The following ACAP2 variants were observed in gnomAD, a reference collection of about 807,000 sequenced individuals.
ACAP2 encodes arf-GAP with coiled-coil, ANK repeat and PH domain-containing protein 2.
ACAP2 carries 39 observed loss-of-function variants against 115.8 expected under a neutral mutation model. That is an observed-to-expected ratio of 0.34 (90% confidence interval 0.26 to 0.44). ACAP2 has a LOEUF of 0.44. Among genes scored for constraint, ACAP2 ranks in the 20% least tolerant of loss-of-function variants. ACAP2 has a pLI of 1.00. For missense variants in ACAP2, 662 were observed against 927.6 expected (o/e 0.71, Z 3.72); for synonymous variants, 289 against 315.8 (o/e 0.92, Z 0.90).
At chr3:195,396,812 A>AAAAAAAAAAAG (rs1711827152) in intron 1 of ACAP2, among the ~76,000 whole-genome samples, 2 of 149,784 alleles carry the variant, frequency 1.3e-5, no homozygotes, top group East Asian at 1.9e-4. Context: ...AAAAAAAAAA[A>AAAAAAAAAAAG]AAGAAGAAGT....
chr3:195,411,526 G>A (rs1225192256), intron 1 of ACAP2, among the ~76,000 whole-genome samples: 1 of 152,110 alleles, frequency 6.6e-6, no homozygotes, highest in African/African-American at 2.4e-5. Flanking sequence ...TATGTTATGT[G>A]TATTTAAACA....
chr3:195,365,196 G>C (rs1732635215), intron 4 of ACAP2, among the ~76,000 whole-genome samples: 1 of 151,998 alleles, frequency 6.6e-6, no homozygotes, highest in Admixed American at 6.6e-5. Context: ...AGAATGAATA[G>C]AACCTAGTAT....
At chr3:195,436,127 ATATATATT>A (rs1715523191) in intron 1 of ACAP2, among the ~76,000 whole-genome samples, 1 of 131,752 alleles carries the variant, frequency 7.6e-6, no homozygotes. Flanking sequence ...ATGTATATAT[ATATATATT>A]TTTTTTTTTT....
intron 18 of ACAP2, among the ~76,000 whole-genome samples, chr3:195,293,412 G>A (rs1010006482): frequency 1.3e-5 from 2 of 152,174 alleles, no homozygotes; most frequent in African/African-American, 2.4e-5. Context: ...TAATGGGGAG[G>A]GAGTTGCTGA....
intron 13 of ACAP2, among the ~76,000 whole-genome samples, chr3:195,303,197 T>C (rs776353749): frequency 6.6e-6 from 1 of 151,662 alleles, no homozygotes; most frequent in Non-Finnish European, 1.5e-5. Flanking sequence ...GACTCCAACC[T>C]GGGTGACAGA....
chr3:195,420,579 G>A lies in ACAP2; in HGVS notation c.53+22216C>T, dbSNP rs556453936. Among the ~76,000 whole-genome samples, 106 of 151,934 alleles carry A rather than the reference G, an allele frequency of 7.0e-4. 2 individuals carry two copies. Among genetic ancestry groups the A allele is most frequent in the Admixed American group, 7.2e-4 (11 of 15,232 alleles). ...TAGATGGTCTCGATCTCCTGACCTC[G>A]TGATTCACCCGCCTCGGCCTCCCAA... On this transcript the variant is annotated intron_variant, in intron 1 of 22. Transcript: ENST00000326793.
intron 1 of ACAP2, among the ~76,000 whole-genome samples, chr3:195,405,272 C>T (rs1712658750): frequency 6.6e-6 from 1 of 152,164 alleles, no homozygotes; most frequent in Admixed American, 6.6e-5. Flanking sequence ...GCTATGGTTA[C>T]TGTTACCCTT....
chr3:195,428,076 A>G (rs1021378994), intron 1 of ACAP2, among the ~76,000 whole-genome samples: 1 of 151,946 alleles, frequency 6.6e-6, no homozygotes, highest in Non-Finnish European at 1.5e-5. Flanking sequence ...ATAATCCAGA[A>G]AAGCAGGGTA....
At position 195,317,808 on chromosome 3, in the gene ACAP2, T is replaced by C. The variant is rs1729194043; in HGVS notation, c.857+2893A>G. Among the ~76,000 whole-genome samples the C allele has an allele frequency of 2.0e-5, 3 of 152,204 alleles. 1 individual carries two copies. The South Asian group carries it at 6.2e-4, about 31-fold the overall frequency. On this transcript the variant is annotated intron_variant, in intron 10 of 22. Transcript: ENST00000326793. ...CCTATTTCCTAAAACTCCTGTTTTA[T>C]TGAAGTTATTGCAAAGATCAAAAGA... is the stretch of plus-strand genomic sequence containing the variant.
intron 1 of ACAP2, among the ~76,000 whole-genome samples, chr3:195,435,172 T>C (rs1262440002): frequency 6.6e-6 from 1 of 151,426 alleles, no homozygotes; most frequent in Non-Finnish European, 1.5e-5. Context: ...TTAGCTACTA[T>C]TTTGAGATCT....
At chr3:195,297,311 GC>G in intron 15 of ACAP2, 30 bp from the exon 16 acceptor site, 3 of 1,585,496 alleles carry the variant, frequency 1.9e-6, no homozygotes, top group African/African-American at 1.4e-5. Context: ...AGAAAAATAA[GC>G]TATACATTAA....
intron 18 of ACAP2, among the ~76,000 whole-genome samples, chr3:195,294,377 A>C (rs1259036421): frequency 2.6e-5 from 4 of 151,418 alleles, no homozygotes; most frequent in Non-Finnish European, 5.9e-5. Flanking sequence ...CAGGAGTTCG[A>C]GACCAGCCTG....
chr3:195,299,781 T>A (rs1407887512), intron 15 of ACAP2, among the ~76,000 whole-genome samples: 1 of 152,006 alleles, frequency 6.6e-6, no homozygotes, highest in Non-Finnish European at 1.5e-5. Flanking sequence ...GAGCTTGCAG[T>A]GAGTCAAGAT....
chr3:195,290,160 T>A (rs1227701922), intron 20 of ACAP2, among the ~76,000 whole-genome samples: 1 of 152,036 alleles, frequency 6.6e-6, no homozygotes, highest in Non-Finnish European at 1.5e-5. Flanking sequence ...TCACTTGAGG[T>A]CAGAAGTTCA....
intron 1 of ACAP2, among the ~76,000 whole-genome samples, chr3:195,431,584 C>T (rs1715126737): frequency 6.6e-6 from 1 of 150,936 alleles, no homozygotes; most frequent in Non-Finnish European, 1.5e-5. Context: ...ACTACAGGTA[C>T]ATGCGACCAT....
chr3:195,318,415 C>G (rs1729229946), intron 10 of ACAP2, among the ~76,000 whole-genome samples: 1 of 152,192 alleles, frequency 6.6e-6, no homozygotes, highest in Admixed American at 6.5e-5. Context: ...TTCCAAGAGA[C>G]TTGTTGAATG....
At chr3:195,284,803 C>T (rs1726735253) in intron 22 of ACAP2, among the ~76,000 whole-genome samples, 1 of 152,034 alleles carries the variant, frequency 6.6e-6, no homozygotes, top group South Asian at 2.1e-4. Context: ...ATTTTAGTCA[C>T]GAATTCATGA....
chr3:195,391,973 C>T (rs75134248), intron 2 of ACAP2, 117 bp downstream of exon 2: 20,757 of 766,204 alleles, frequency 0.027, 723 homozygotes, highest in South Asian at 0.093. Context: ...TCAGCCTGGG[C>T]GACAGAGTGA....
intron 10 of ACAP2, among the ~76,000 whole-genome samples, chr3:195,309,413 G>A (rs527559565): frequency 1.3e-5 from 2 of 152,216 alleles, no homozygotes; most frequent in South Asian, 4.1e-4. Flanking sequence ...GGGCATGGCA[G>A]CAGGTGCCTG....
Sources: gnomAD v4.1 joint callset for allele counts (sites outside exome capture counted in the v4.1 genomes callset) on GRCh38, gnomAD v4.1.1 for gene constraint, MANE v1.5 for transcripts, NCBI Gene and HGNC (gene_info 2026-07-23, HGNC 2026-07-21) for gene names.